BBS9: variants seen among roughly 807,000 people sequenced by gnomAD.
The protein encoded by BBS9 is protein PTHB1.
In BBS9, 89 loss-of-function variants were observed where a neutral mutation model predicts 117.7. The ratio of observed to expected loss-of-function variants is 0.76; its 90% CI spans 0.64 to 0.90. The LOEUF (loss-of-function observed/expected upper bound fraction) is 0.90. Ranked by LOEUF, BBS9 falls within the 40% of genes least tolerant of loss-of-function variation. The pLI is 0.00. For synonymous variants in BBS9, 379 were observed against 370.9 expected, an observed-to-expected ratio of 1.02 and a Z score of -0.25; for missense variants, 982 against 1,042.2, an observed-to-expected ratio of 0.94 and a Z score of 0.80.
chr7:33,426,105 C>T (rs149975395), intron 19 of BBS9, among the ~76,000 whole-genome samples: 3 of 152,028 alleles, frequency 2.0e-5, no homozygotes, highest in Non-Finnish European at 4.4e-5. Context: ...GGAAAATGTA[C>T]GGGAGTAGAA....
Position 33,173,612 on chromosome 7 carries a change from A to G in BBS9, c.329-3866A>G, listed in dbSNP as rs571569142. Reference sequence around the variant, plus strand: ...AAATTGAAAAATTTTAGAAGCTTCCACAGGTCAATAGCCATCCCTAGATGA... The same window carrying G: ...AAATTGAAAAATTTTAGAAGCTTCCGCAGGTCAATAGCCATCCCTAGATGA... On this transcript the variant is annotated intron_variant, in intron 4 of 22. Transcript: ENST00000242067. Among the ~76,000 whole-genome samples, 7 of 152,026 alleles carry G rather than the reference A, an allele frequency of 4.6e-5. No individual in the cohort carries two copies. In the East Asian group the frequency reaches 9.7e-4, roughly 21 times the overall value.
intron 5 of BBS9, among the ~76,000 whole-genome samples, chr7:33,185,316 C>T (rs1798663384): frequency 6.6e-6 from 1 of 152,060 alleles, no homozygotes; most frequent in Non-Finnish European, 1.5e-5. Context: ...TCCCTATTCA[C>T]GGTGGAGTCG....
chr7:33,533,882 G>A, intron 20 of BBS9, 72 bp from the exon 21 acceptor site: 1 of 1,489,772 alleles, frequency 6.7e-7, no homozygotes. Context: ...TCAATAATCT[G>A]TATAATACAT....
At chr7:33,183,773 T>C (rs1182391661) in intron 5 of BBS9, among the ~76,000 whole-genome samples, 1 of 152,078 alleles carries the variant, frequency 6.6e-6, no homozygotes, top group Non-Finnish European at 1.5e-5. Flanking sequence ...AAGGTCAAGC[T>C]CCCAAGGACA....
intron 16 of BBS9, among the ~76,000 whole-genome samples, chr7:33,366,657 G>T (rs1225191841): frequency 4.9e-5 from 7 of 143,730 alleles, no homozygotes; most frequent in Non-Finnish European, 1.0e-4. Context: ...CGATTCTCCT[G>T]CCTCAGCCTC....
intron 19 of BBS9, among the ~76,000 whole-genome samples, chr7:33,422,175 A>G (rs570232229): frequency 2.0e-5 from 3 of 152,178 alleles, no homozygotes; most frequent in Non-Finnish European, 4.4e-5. Flanking sequence ...TTTCGTAAAT[A>G]TAGTTAACTC....
Position 33,354,621 on chromosome 7 carries a change from T to C in BBS9, c.1552+1748T>C, listed in dbSNP as rs188049705. ...AGGCATTATATAGATGTATAATATA[T>C]AGGTATGGTTATTTTATTCATATAT... is the stretch of plus-strand genomic sequence containing the variant. On this transcript the variant is annotated intron_variant, in intron 15 of 22. Coordinates refer to ENST00000242067, the MANE Select transcript of BBS9 (RefSeq NM_198428.3). Among the ~76,000 whole-genome samples the C allele has an allele frequency of 2.6e-5, 4 of 152,248 alleles. No individual in the cohort carries two copies. In the East Asian group the frequency reaches 7.7e-4, roughly 29 times the overall value.
chr7:33,382,054 G>C (rs1825140687), intron 17 of BBS9, among the ~76,000 whole-genome samples: 1 of 152,138 alleles, frequency 6.6e-6, no homozygotes, highest in Non-Finnish European at 1.5e-5. Flanking sequence ...TAAGCAAGAA[G>C]ACTGAGTTCA....
intron 19 of BBS9, among the ~76,000 whole-genome samples, chr7:33,503,931 C>T (rs559563791): frequency 1.3e-5 from 2 of 152,230 alleles, no homozygotes; most frequent in Non-Finnish European, 1.5e-5. Flanking sequence ...AAAGAGGCCC[C>T]AGGGATGTTA....
At chr7:33,433,434 CAG>C (rs1253838129) in intron 19 of BBS9, among the ~76,000 whole-genome samples, 1 of 152,308 alleles carries the variant, frequency 6.6e-6, no homozygotes, top group East Asian at 1.9e-4. Context: ...CGTGATCCAG[CAG>C]AGATATCAGA....
exon 22 of BBS9, among the ~76,000 whole-genome samples, chr7:33,635,492 T>C (rs946504356): frequency 3.9e-5 from 6 of 152,228 alleles, no homozygotes; most frequent in African/African-American, 1.4e-4. Flanking sequence ...ACCAGCCTGC[T>C]CCATGCAGCT....
intron 21 of BBS9, among the ~76,000 whole-genome samples, chr7:33,627,955 A>T (rs1427724165): frequency 6.6e-6 from 1 of 152,156 alleles, no homozygotes; most frequent in Admixed American, 6.5e-5. Flanking sequence ...GAAGAGGTCA[A>T]GGCTGCAGTG....
chr7:33,371,646 C>T (rs182968902), intron 17 of BBS9, among the ~76,000 whole-genome samples: 3 of 151,956 alleles, frequency 2.0e-5, no homozygotes, highest in Admixed American at 2.0e-4. Context: ...TTCTCTGTAA[C>T]AGGAGGGATC....
chr7:33,516,910 A>G (rs1470042057), intron 20 of BBS9, among the ~76,000 whole-genome samples: 1 of 152,240 alleles, frequency 6.6e-6, no homozygotes, highest in African/African-American at 2.4e-5. Context: ...TTGTGGATGA[A>G]ATCACTAACA....
At chr7:33,577,005 A>G (rs1037446555) in intron 21 of BBS9, among the ~76,000 whole-genome samples, 5 of 152,238 alleles carry the variant, frequency 3.3e-5, no homozygotes, top group Non-Finnish European at 7.3e-5. Context: ...CAAGGACTTC[A>G]TGACTAAAAC....
chr7:33,209,417 T>C (rs528337274), intron 5 of BBS9, among the ~76,000 whole-genome samples: 5 of 152,322 alleles, frequency 3.3e-5, no homozygotes, highest in African/African-American at 1.2e-4. Flanking sequence ...GGAGTGCAGA[T>C]ATCTCTTTGA....
chr7:33,547,660 T>G (rs1253727040), intron 21 of BBS9, among the ~76,000 whole-genome samples: 1 of 152,220 alleles, frequency 6.6e-6, no homozygotes, highest in Non-Finnish European at 1.5e-5. Flanking sequence ...ACATTAAAGT[T>G]GATTTGCAAT....
At chr7:33,258,790 G>GA (rs1797497896) in intron 6 of BBS9, among the ~76,000 whole-genome samples, 1 of 152,092 alleles carries the variant, frequency 6.6e-6, no homozygotes, top group South Asian at 2.1e-4. Context: ...ATGTGCATAG[G>GA]AATTAATTTG....
chr7:33,199,927 A>G (rs534704008), intron 5 of BBS9, among the ~76,000 whole-genome samples: 144 of 152,184 alleles, frequency 9.5e-4, no homozygotes, highest in African/African-American at 3.3e-3. Flanking sequence ...TTAATTTGAT[A>G]AAAATAAAAA....
Sources: allele counts gnomAD v4.1 joint callset (sites outside exome capture counted in the v4.1 genomes callset), GRCh38; gene constraint gnomAD v4.1.1; transcripts MANE v1.5; gene names NCBI Gene and HGNC (gene_info 2026-07-23, HGNC 2026-07-21).